The following DNAAF5 variants were observed in gnomAD, a reference collection of about 807,000 sequenced individuals.
DNAAF5 encodes dynein axonemal assembly factor 5.
A neutral mutation model predicts 75.8 loss-of-function variants in DNAAF5; 64 were observed. The ratio of observed to expected loss-of-function variants is 0.84; its 90% CI spans 0.69 to 1.04. DNAAF5 has a LOEUF of 1.04. DNAAF5 is among the 50% of genes least tolerant of loss of function. DNAAF5 has a pLI of 0.00. For missense variants in DNAAF5, 1,269 were observed against 1,178.5 expected (o/e 1.08, Z -1.12); for synonymous variants, 657 against 557.2 (o/e 1.18, Z -2.52).
rs142939879 is a variant in DNAAF5, at chr7:754,076, G to T, written c.1025-513G>T. ...TGGCTTCGCAGGCGTGTGTCTCTCT[G>T]ATCATAGGGGGACGGCTTCGCAGGC... On this transcript the variant is annotated intron_variant, in intron 4 of 12. Transcript: ENST00000297440. This position sits in a 1 kb window ranked among gnomAD's most constrained non-coding sequence, Gnocchi z 4.8. Among the ~76,000 whole-genome samples, 1,938 of 140,654 alleles carry T rather than the reference G, an allele frequency of 0.014. 44 individuals are homozygous for T. Among genetic ancestry groups the T allele is most frequent in the African/African-American group, 0.048 (1,799 of 37,526 alleles). 92.3% of individuals were successfully genotyped at this position (140,654 alleles called of 152,430 possible). A position where few individuals can be genotyped will look rare whatever the true frequency, so the allele number is the denominator to read the frequency against.
intron 4 of DNAAF5, among the ~76,000 whole-genome samples, chr7:752,692 A>G (rs1369866890): frequency 6.6e-6 from 1 of 152,242 alleles, no homozygotes; most frequent in Non-Finnish European, 1.5e-5. Context: ...TGCGTCCTCA[A>G]AAGACCGCTC....
At chr7:770,655 G>T (rs1385543035) in intron 9 of DNAAF5, 37 bp downstream of exon 9, 2 of 1,600,054 alleles carry the variant, frequency 1.2e-6, no homozygotes, top group Admixed American at 1.7e-5. Context: ...GCCCCCAGCT[G>T]GGGCCTGGGC....
chr7:782,945 G>A (rs566486958), intron 12 of DNAAF5, among the ~76,000 whole-genome samples: 2 of 152,378 alleles, frequency 1.3e-5, no homozygotes, highest in Non-Finnish European at 2.9e-5. Context: ...TCAGAAACTC[G>A]GATCGTCCTG....
chr7:743,900 C>CT (rs1161553530), intron 4 of DNAAF5, among the ~76,000 whole-genome samples: 2 of 149,446 alleles, frequency 1.3e-5, no homozygotes, highest in Non-Finnish European at 3.0e-5. Flanking sequence ...TAAATAAGTT[C>CT]TTTTTTTATT....
chr7:769,269 G>A, intron 8 of DNAAF5: 1 of 711,746 alleles, frequency 1.4e-6, no homozygotes, highest in Non-Finnish European at 2.6e-6. Flanking sequence ...GGGCCAGAGC[G>A]CCTCCTTCTG....
chr7:727,231 C>G lies in DNAAF5; in HGVS notation c.511C>G (p.Leu171Val), dbSNP rs748750722. The G allele has an allele frequency of 6.7e-5, 90 of 1,342,112 alleles. No homozygotes were observed. The highest frequency in any genetic ancestry group is 8.5e-5 in the Non-Finnish European group (89 of 1,047,538). 83.1% of individuals were successfully genotyped at this position (1,342,112 alleles called of 1,614,324 possible). ...APHLDDALRA[L>V]RCSLLDPFAA... ...CCACCTGGACGACGCTCTGCGCGCG[C>G]TGCGCTGCTCCCTGCTCGACCCCTT... Residue 171 changes from leucine (L) to valine (V), a missense_variant, in exon 1 of 13, where the codon CTG becomes GTG. Transcript: ENST00000297440.
intron 9 of DNAAF5, among the ~76,000 whole-genome samples, chr7:773,742 G>A (rs1013627919): frequency 7.2e-5 from 11 of 152,250 alleles, no homozygotes; most frequent in African/African-American, 1.9e-4. Context: ...AGCTAGGAGC[G>A]GCGAGGGGCT....
At chr7:751,877 A>T (rs527372635) in intron 4 of DNAAF5, among the ~76,000 whole-genome samples, 1 of 152,250 alleles carries the variant, frequency 6.6e-6, no homozygotes, top group South Asian at 2.1e-4. Context: ...CCCGGCCTGA[A>T]TTTTGAAGAT....
At position 784,441 on chromosome 7, in the gene DNAAF5, C is replaced by T. The variant is rs1215663239; in HGVS notation, c.2432-1076C>T. 3.3e-5 allele frequency among the ~76,000 whole-genome samples: 5 copies of T among 152,198 alleles called. No individual in the cohort carries two copies. The East Asian group carries it at 7.7e-4, about 23-fold the overall frequency. Reference sequence around the variant, plus strand: ...GACTGAAGGCGGAGACCTTGAGGTCCTCCTGGACCCCCTCTTAACTCCCAG... The same window carrying T: ...GACTGAAGGCGGAGACCTTGAGGTCTTCCTGGACCCCCTCTTAACTCCCAG... On this transcript the variant is annotated intron_variant, in intron 12 of 12. Coordinates refer to ENST00000297440, the MANE Select transcript of DNAAF5 (RefSeq NM_017802.4).
At chr7:784,684 G>A (rs1779093756) in intron 12 of DNAAF5, among the ~76,000 whole-genome samples, 3 of 152,184 alleles carry the variant, frequency 2.0e-5, no homozygotes, top group Non-Finnish European at 2.9e-5. Context: ...ATTTCCGGCT[G>A]TGTCGGTGAT....
Position 780,003 on chromosome 7 carries a change from G to A in DNAAF5, c.2290G>A (p.Ala764Thr), listed in dbSNP as rs768697749. ...DVSNDVRMAAASTLVTWLQCV... is the reference protein window; with the variant it reads ...DVSNDVRMAATSTLVTWLQCV... ...GTCCAACGATGTGAGGATGGCAGCC[G>A]CCTCCACCTTGGTCACCTGGCTGCA... Residue 764 changes from alanine (A) to threonine (T), a missense_variant, in exon 12 of 13, where the codon GCC (alanine) becomes ACC (threonine). Physicochemically the swap from Ala to Thr is moderately conservative, Grantham distance 58. Coordinates refer to ENST00000297440, the MANE Select transcript of DNAAF5 (RefSeq NM_017802.4). The A allele has an allele frequency of 8.1e-6, 13 of 1,614,176 alleles. No homozygotes were observed. In the East Asian group the frequency reaches 1.3e-4, roughly 17 times the overall value.
At chr7:730,945 G>A (rs971984777) in intron 2 of DNAAF5, among the ~76,000 whole-genome samples, 3 of 152,256 alleles carry the variant, frequency 2.0e-5, no homozygotes, top group Admixed American at 6.5e-5. Flanking sequence ...CCAGTGGGGA[G>A]AAAGTGGGCA....
chr7:773,838 CA>C (rs1778657861), intron 9 of DNAAF5, among the ~76,000 whole-genome samples: 1 of 152,134 alleles, frequency 6.6e-6, no homozygotes, highest in Non-Finnish European at 1.5e-5. Context: ...GGGGCACAGG[CA>C]CCCCTGTCTC....
In DNAAF5 at chr7:756,883, C is replaced by G; in HGVS notation, c.1359C>G (p.Leu453=). 1.2e-6 allele frequency: 2 copies of G among 1,613,584 alleles called. No individual in the cohort carries two copies. The highest frequency in any genetic ancestry group is 1.1e-5 in the South Asian group (1 of 91,084). The change falls in exon 6 of 13, where the codon CTC becomes CTG. Residue 453 remains leucine, a synonymous_variant. Transcript: ENST00000297440. ...TLKKTPSASG[L]LVLASAMRGC... ...AGAAGACGCCCTCTGCCTCCGGCCT[C>G]CTGGTGCTGGCCTCCGCCATGCGGG...
In DNAAF5 at chr7:732,435, C is replaced by T. The variant is rs375856270; in HGVS notation, c.780+2588C>T. On this transcript the variant is annotated intron_variant, in intron 2 of 12. Coordinates refer to ENST00000297440, the MANE Select transcript of DNAAF5 (RefSeq NM_017802.4). ...CAGGGGTGCCCTGGTTGTCGCCAGG[C>T]CTGCAGTCGGCAGCTGCTCAGCTTT... The T allele has an allele frequency of 1.8e-4, 77 of 434,058 alleles. 1 individual carries two copies. In the East Asian group the frequency reaches 3.5e-3, roughly 20 times the overall value. 26.9% of individuals were successfully genotyped at this position (434,058 alleles called of 1,614,324 possible). A position where few individuals can be genotyped will look rare whatever the true frequency, so the allele number is the denominator to read the frequency against.
Position 775,106 on chromosome 7 carries a change from T to G in DNAAF5, c.2183T>G (p.Phe728Cys). The change falls in exon 11 of 13, where the codon TTC (phenylalanine) becomes TGC (cysteine). Residue 728 changes from phenylalanine (F) to cysteine (C), a missense_variant. Transcript: ENST00000297440. Reference protein sequence around the residue: ...RLISCRIINTFLKTSGGMTDP... With the variant: ...RLISCRIINTCLKTSGGMTDP... The stretch of plus-strand genomic sequence containing the variant: ...ATCTCATGCCGTATTATCAACACGT[T>G]CTTAAAAACCTCGGGCGGCATGACG... The G allele has an allele frequency of 1.2e-6, 2 of 1,614,082 alleles. No homozygotes were observed. The highest frequency in any genetic ancestry group is 1.7e-6 in the Non-Finnish European group (2 of 1,180,016).
At chr7:781,110 C>T (rs1193294694) in intron 12 of DNAAF5, among the ~76,000 whole-genome samples, 1 of 152,178 alleles carries the variant, frequency 6.6e-6, no homozygotes, top group Non-Finnish European at 1.5e-5. Context: ...CCCTGTTGTG[C>T]TATCAAATAC....
chr7:776,097 T>A (rs751583667), intron 11 of DNAAF5, among the ~76,000 whole-genome samples: 1 of 152,030 alleles, frequency 6.6e-6, no homozygotes, highest in African/African-American at 2.4e-5. Flanking sequence ...CCCAGCACTT[T>A]GGGAGGCTGA....
At chr7:759,416 G>A (rs1384506194) in intron 6 of DNAAF5, among the ~76,000 whole-genome samples, 2 of 152,164 alleles carry the variant, frequency 1.3e-5, no homozygotes, top group Non-Finnish European at 2.9e-5. Context: ...GGTGTCTAGA[G>A]TGAGGAAATG....
Sources: allele counts gnomAD v4.1 joint callset (sites outside exome capture counted in the v4.1 genomes callset), GRCh38; gene constraint gnomAD v4.1.1; non-coding constraint Gnocchi (gnomAD v3.1); transcripts MANE v1.5; gene names NCBI Gene and HGNC (gene_info 2026-07-23, HGNC 2026-07-21).